Variants in DOCK10 observed in about 807,000 individuals in gnomAD.
DOCK10 encodes the protein dedicator of cytokinesis 10.
In DOCK10, 145 loss-of-function variants were observed where a neutral mutation model predicts 280.1. The observed-to-expected ratio is 0.52, with a 90% CI of 0.45 to 0.59. The LOEUF is 0.59. Among genes scored for constraint, DOCK10 ranks in the 20% least tolerant of loss-of-function variants. The pLI is 0.00. For missense variants in DOCK10, 2,368 were observed against 2,651.7 expected (o/e 0.89, Z 2.35); for synonymous variants, 915 against 942.2 (o/e 0.97, Z 0.53).
intron 1 of DOCK10, among the ~76,000 whole-genome samples, chr2:224,933,711 C>A (rs1702524530): frequency 6.6e-6 from 1 of 152,140 alleles, no homozygotes; most frequent in South Asian, 2.1e-4. Context: ...CAGCAATAGT[C>A]CATGATGTGG....
intron 50 of DOCK10, among the ~76,000 whole-genome samples, chr2:224,784,940 G>A (rs1004586276): frequency 1.3e-5 from 2 of 152,128 alleles, no homozygotes; most frequent in African/African-American, 4.8e-5. Context: ...AGGAATGCCT[G>A]AGGCTTTATA....
At position 224,806,172 on chromosome 2, in the gene DOCK10, G is replaced by C; in HGVS notation, c.3768C>G (p.Asn1256Lys). ...FQSQTAIKHANSVDTSFSKDV... is the reference protein window; with the variant it reads ...FQSQTAIKHAKSVDTSFSKDV... ...CTTTAGAAAATGATGTATCCACAGAGTTTGCATGTTTGATAGCTGTCTGGC... is the reference window on the plus strand; with the variant it reads ...CTTTAGAAAATGATGTATCCACAGACTTTGCATGTTTGATAGCTGTCTGGC... Residue 1256 changes from asparagine (N) to lysine (K), a missense_variant, in exon 34 of 56, where the codon AAC (asparagine) becomes AAG (lysine). Around this residue, in one of 2 missense-constraint regions of DOCK10, gnomAD observed 1,159 missense variants for 1,400.8 expected, o/e 0.83. Coordinates refer to ENST00000258390, the MANE Select transcript of DOCK10 (RefSeq NM_014689.3). The C allele has an allele frequency of 6.2e-7, 1 of 1,611,132 alleles. No homozygotes were observed. Among genetic ancestry groups the C allele is most frequent in the East Asian group, 2.2e-5 (1 of 44,784 alleles).
chr2:224,879,226 T>C (rs562065951), intron 7 of DOCK10, among the ~76,000 whole-genome samples: 3 of 152,064 alleles, frequency 2.0e-5, no homozygotes, highest in Non-Finnish European at 4.4e-5. Flanking sequence ...GCAGCTTCCT[T>C]CCGAAGGCAA....
chr2:224,852,544 G>C, intron 17 of DOCK10, 102 bp from the exon 18 acceptor site: 1 of 839,410 alleles, frequency 1.2e-6, no homozygotes, highest in Non-Finnish European at 1.9e-6. Context: ...TCCAAAAAAT[G>C]TAAAATACCC....
At chr2:225,011,110 A>T (rs1315863051) in intron 1 of DOCK10, among the ~76,000 whole-genome samples, 1 of 152,270 alleles carries the variant, frequency 6.6e-6, no homozygotes, top group Non-Finnish European at 1.5e-5. Flanking sequence ...CTATCATAGC[A>T]TATGTATATA....
At chr2:224,864,719 T>C (rs962746177) in intron 12 of DOCK10, 44 bp from the exon 13 acceptor site, 2 of 1,583,170 alleles carry the variant, frequency 1.3e-6, no homozygotes, top group Middle Eastern at 1.7e-4. Flanking sequence ...AGAAACCACA[T>C]TGTAGACATT....
At chr2:225,005,528 C>CT (rs760038815) in intron 1 of DOCK10, among the ~76,000 whole-genome samples, 9 of 152,102 alleles carry the variant, frequency 5.9e-5, no homozygotes, top group Admixed American at 1.3e-4. Flanking sequence ...CAATGACTAC[C>CT]TTTTTTCCAT....
intron 50 of DOCK10, among the ~76,000 whole-genome samples, chr2:224,778,806 G>T (rs1341132943): frequency 6.6e-6 from 1 of 152,170 alleles, no homozygotes; most frequent in Non-Finnish European, 1.5e-5. Flanking sequence ...TTATGTAGTT[G>T]TCGTAACAGA....
rs147943065 is a variant in DOCK10 at position 224,987,310 on chromosome 2, C to T, written c.123+54942G>A. 2.0e-5 allele frequency among the ~76,000 whole-genome samples: 3 copies of T among 152,314 alleles called. No individual in the cohort carries two copies. In the East Asian group the frequency reaches 5.8e-4, roughly 29 times the overall value. On this transcript the variant is annotated intron_variant, in intron 1 of 55. Coordinates refer to ENST00000258390, the MANE Select transcript of DOCK10 (RefSeq NM_014689.3). ...AGTATTTAGGAACAATTTACAGGCACAGCAAGAGGATACAGCAGATGGCAG... is the reference window on the plus strand; with the variant it reads ...AGTATTTAGGAACAATTTACAGGCATAGCAAGAGGATACAGCAGATGGCAG...
intron 39 of DOCK10, among the ~76,000 whole-genome samples, chr2:224,803,345 CAA>C (rs1693142160): frequency 6.6e-6 from 1 of 151,958 alleles, no homozygotes; most frequent in African/African-American, 2.4e-5. Context: ...GAGGGAGGCA[CAA>C]TTTATTCTAT....
At chr2:225,005,575 G>A (rs566061895) in intron 1 of DOCK10, among the ~76,000 whole-genome samples, 1 of 152,024 alleles carries the variant, frequency 6.6e-6, no homozygotes, top group South Asian at 2.1e-4. Context: ...ATTCTTTGAC[G>A]TAAACAGGAC....
At chr2:224,975,741 T>C (rs905696378) in intron 1 of DOCK10, among the ~76,000 whole-genome samples, 1 of 152,250 alleles carries the variant, frequency 6.6e-6, no homozygotes, top group African/African-American at 2.4e-5. Flanking sequence ...ACTGTTTTCA[T>C]AAATAATTCA....
At chr2:224,983,882 AC>A (rs1354930682) in intron 1 of DOCK10, 2 of 470,958 alleles carry the variant, frequency 4.2e-6, no homozygotes, top group Non-Finnish European at 8.8e-6. Flanking sequence ...CATTTGTCAG[AC>A]TGCCCGGGTG....
At chr2:225,024,644 C>A (rs1229809756) in intron 1 of DOCK10, among the ~76,000 whole-genome samples, 1 of 151,938 alleles carries the variant, frequency 6.6e-6, no homozygotes, top group East Asian at 1.9e-4. Context: ...AATCCCAGCA[C>A]TTTGGGAGGC....
chr2:225,012,870 C>G (rs566509144), intron 1 of DOCK10, among the ~76,000 whole-genome samples: 14 of 152,096 alleles, frequency 9.2e-5, no homozygotes, highest in Non-Finnish European at 1.8e-4. Context: ...GCCACAGAGG[C>G]TAATATTCAT....
At chr2:224,800,372 AATAATTT>A (rs2125168535) in intron 40 of DOCK10, 109 bp from the exon 41 acceptor site, 1 of 579,884 alleles carries the variant, frequency 1.7e-6, no homozygotes, top group Non-Finnish European at 3.0e-6. Context: ...CATTTTGATT[AATAATTT>A]ATTAAATCAA....
intron 48 of DOCK10, among the ~76,000 whole-genome samples, chr2:224,788,706 AC>A (rs1436788545): frequency 6.6e-6 from 1 of 152,226 alleles, no homozygotes; most frequent in Non-Finnish European, 1.5e-5. Flanking sequence ...AAACTAGTGA[AC>A]TTTTACGTCC....
chr2:224,944,527 C>G (rs151080958), intron 1 of DOCK10, among the ~76,000 whole-genome samples: 1 of 152,112 alleles, frequency 6.6e-6, no homozygotes, highest in Non-Finnish European at 1.5e-5. Flanking sequence ...GCAATCTTAA[C>G]GCAGGATAGG....
chr2:224,767,441 G>C (rs1402271267), intron 55 of DOCK10, among the ~76,000 whole-genome samples: 1 of 152,178 alleles, frequency 6.6e-6, no homozygotes, highest in Non-Finnish European at 1.5e-5. Context: ...TAGGATTACA[G>C]GTGTGAGCCA....
Sources: gnomAD v4.1 joint callset for allele counts (sites outside exome capture counted in the v4.1 genomes callset) on GRCh38, gnomAD v4.1.1 for gene constraint, gnomAD v4.1.1 regional missense constraint, MANE v1.5 for transcripts, NCBI Gene and HGNC (gene_info 2026-07-23, HGNC 2026-07-21) for gene names.